Variants in CFAP54 observed in about 807,000 individuals in gnomAD.
CFAP54 encodes cilia- and flagella-associated protein 54.
CFAP54 carries 290 observed loss-of-function variants against 370.4 expected under a neutral mutation model. The ratio of observed to expected loss-of-function variants is 0.78; its 90% confidence interval spans 0.71 to 0.86. The LOEUF is 0.86. CFAP54 is among the 40% of genes least tolerant of loss of function. The pLI, the probability that CFAP54 is intolerant of heterozygous loss-of-function variation, is 0.00. For missense variants in CFAP54, 3,399 were observed against 3,528.7 expected, an observed-to-expected ratio of 0.96 and a Z score of 0.93; for synonymous variants, 1,206 against 1,236.5, an observed-to-expected ratio of 0.98 and a Z score of 0.52.
At position 96,828,068 on chromosome 12, in the gene CFAP54, A is replaced by G. The variant is rs538236574; in HGVS notation, c.9097-946A>G. Reference sequence around the variant, plus strand: ...TTATATATTAATATATTATTAATATATAATTATATATTATATATATTATCA... The same window carrying G: ...TTATATATTAATATATTATTAATATGTAATTATATATTATATATATTATCA... On this transcript the variant is annotated intron_variant, in intron 65 of 67. Transcript: ENST00000524981. Among the ~76,000 whole-genome samples the G allele has an allele frequency of 3.9e-3, 505 of 130,344 alleles. 2 individuals carry two copies. Among genetic ancestry groups the G allele is most frequent in the Non-Finnish European group, 6.5e-3 (416 of 64,230 alleles). The allele number at this position is 130,344 out of a possible 152,430, so 85.5% of individuals were successfully genotyped here. A position where few individuals can be genotyped will look rare whatever the true frequency, so the allele number is the denominator to read the frequency against.
chr12:96,527,640 C>T (rs1565885474), intron 9 of CFAP54, among the ~76,000 whole-genome samples, 196 bp downstream of exon 9: 1 of 151,564 alleles, frequency 6.6e-6, no homozygotes, highest in Admixed American at 6.6e-5. Context: ...GATCATGGCT[C>T]ACATTGCAGC....
chr12:96,790,573 T>C (rs189947719), intron 62 of CFAP54, among the ~76,000 whole-genome samples: 2 of 152,356 alleles, frequency 1.3e-5, no homozygotes, highest in Admixed American at 1.3e-4. Context: ...AGTTATTGAA[T>C]ATGAATTGTT....
chr12:96,828,291 C>T (rs974884216), intron 65 of CFAP54, among the ~76,000 whole-genome samples: 3 of 151,290 alleles, frequency 2.0e-5, no homozygotes, highest in Non-Finnish European at 4.4e-5. Flanking sequence ...CATGCATAGA[C>T]AAAGACTGGA....
chr12:96,698,855 G>A (rs1310515371), intron 45 of CFAP54, among the ~76,000 whole-genome samples: 1 of 152,062 alleles, frequency 6.6e-6, no homozygotes, highest in Non-Finnish European at 1.5e-5. Context: ...GAAAGCAGAG[G>A]TTTATTGAAA....
At chr12:96,537,856 G>A (rs376287084) in intron 12 of CFAP54, among the ~76,000 whole-genome samples, 6 of 152,058 alleles carry the variant, frequency 3.9e-5, no homozygotes, top group South Asian at 4.2e-4. Flanking sequence ...GGGATGGCAC[G>A]GCAGGTGGAT....
intron 66 of CFAP54, among the ~76,000 whole-genome samples, chr12:96,834,343 C>T (rs1455652974): frequency 6.6e-6 from 1 of 152,234 alleles, no homozygotes; most frequent in African/African-American, 2.4e-5. Flanking sequence ...CCAAGTTTTG[C>T]TCAGGCCCAC....
intron 66 of CFAP54, among the ~76,000 whole-genome samples, chr12:96,852,606 C>T (rs1288244955): frequency 6.6e-6 from 1 of 152,096 alleles, no homozygotes; most frequent in East Asian, 1.9e-4. Context: ...TTGGTGTTAG[C>T]AAAGCTTTCA....
chr12:96,795,295 C>G (rs578027058), intron 63 of CFAP54, among the ~76,000 whole-genome samples: 13 of 152,204 alleles, frequency 8.5e-5, no homozygotes, highest in African/African-American at 2.6e-4. Flanking sequence ...CTAGGGTTGC[C>G]TGGATAAATA....
chr12:96,826,662 A>G (rs1314528764), intron 65 of CFAP54, among the ~76,000 whole-genome samples: 2 of 108,930 alleles, frequency 1.8e-5, no homozygotes, highest in South Asian at 2.6e-4. Flanking sequence ...AATATATTAT[A>G]TATAAATATA....
At chr12:96,825,838 T>A (rs1959094296) in intron 65 of CFAP54, among the ~76,000 whole-genome samples, 1 of 133,706 alleles carries the variant, frequency 7.5e-6, no homozygotes, top group African/African-American at 2.8e-5. Context: ...TAGTATATAA[T>A]ATAATTTATA....
chr12:96,735,699 G>A (rs1029833777), intron 50 of CFAP54, among the ~76,000 whole-genome samples: 2 of 152,186 alleles, frequency 1.3e-5, no homozygotes, highest in Admixed American at 1.3e-4. Flanking sequence ...GGGAGAGATA[G>A]GGTAATTAAA....
Position 96,811,890 on chromosome 12 carries a change from C to T in CFAP54, c.8957+48C>T, listed in dbSNP as rs556678562. ...GAATTGTCTTTGTTGTTATCTCTCA[C>T]GAGAATAGACTCTTTCAGTAATTGG... On this transcript the variant is annotated intron_variant, in intron 64 of 67. Transcript: ENST00000524981. The T allele has an allele frequency of 6.0e-5, 67 of 1,112,176 alleles. 1 individual carries two copies. In the Admixed American group the frequency reaches 6.2e-4, roughly 10 times the overall value. The allele number at this position is 1,112,176 out of a possible 1,614,324, so 68.9% of individuals were successfully genotyped here. A position where few individuals can be genotyped will look rare whatever the true frequency, so the allele number is the denominator to read the frequency against.
intron 60 of CFAP54, among the ~76,000 whole-genome samples, chr12:96,769,206 G>T (rs1180005987): frequency 6.6e-6 from 1 of 152,044 alleles, no homozygotes; most frequent in Non-Finnish European, 1.5e-5. Context: ...TTTTCTTGTG[G>T]CCTTGATAAA....
At chr12:96,645,241 G>C in intron 33 of CFAP54, 1 of 435,266 alleles carries the variant, frequency 2.3e-6, no homozygotes, top group South Asian at 1.6e-5. Context: ...ATGGAATACT[G>C]TGTAGCTATT....
At chr12:96,872,896 G>T (rs542023667) in intron 67 of CFAP54, among the ~76,000 whole-genome samples, 1 of 152,176 alleles carries the variant, frequency 6.6e-6, no homozygotes, top group African/African-American at 2.4e-5. Flanking sequence ...CAGGCAAACT[G>T]GAATGGCTGC....
intron 36 of CFAP54, among the ~76,000 whole-genome samples, chr12:96,656,077 C>T (rs929344562): frequency 9.9e-5 from 15 of 151,940 alleles, no homozygotes; most frequent in Non-Finnish European, 2.9e-5. Context: ...ATATTATTTT[C>T]CCTACTTTTG....
At chr12:96,671,977 A>G (rs756865310) in intron 39 of CFAP54, among the ~76,000 whole-genome samples, 4 of 151,924 alleles carry the variant, frequency 2.6e-5, no homozygotes, top group Non-Finnish European at 5.9e-5. Context: ...AAAGAGAGAG[A>G]GAGAGAAAGA....
chr12:96,800,662 G>T (rs903542261), intron 63 of CFAP54, among the ~76,000 whole-genome samples: 5 of 152,114 alleles, frequency 3.3e-5, no homozygotes, highest in Non-Finnish European at 7.4e-5. Context: ...TCTACTCATC[G>T]TTTTAGGATT....
chr12:96,649,167 G>T (rs1027691998), intron 34 of CFAP54, among the ~76,000 whole-genome samples: 3 of 152,254 alleles, frequency 2.0e-5, no homozygotes, highest in African/African-American at 7.2e-5. Context: ...ATGTTTGAGG[G>T]ACTTGGCATG....
Sources: gnomAD v4.1 joint callset for allele counts (sites outside exome capture counted in the v4.1 genomes callset) on GRCh38, gnomAD v4.1.1 for gene constraint, MANE v1.5 for transcripts, NCBI Gene and HGNC (gene_info 2026-07-23, HGNC 2026-07-21) for gene names.